Variants in GLG1 observed in about 807,000 individuals in gnomAD.
GLG1 encodes the protein golgi glycoprotein 1.
A neutral mutation model predicts 160.5 loss-of-function variants in GLG1; 38 were observed. The ratio of observed to expected loss-of-function variants is 0.24; its 90% CI spans 0.18 to 0.31. The LOEUF (loss-of-function observed/expected upper bound fraction) is 0.31, where lower values mean the gene tolerates loss of function less well. Among genes scored for constraint, GLG1 ranks in the 10% least tolerant of loss-of-function variants. GLG1 has a pLI of 1.00. For synonymous variants in GLG1, 644 were observed against 543.4 expected (o/e 1.19, Z -2.57); for missense variants, 1,373 against 1,505.2 (o/e 0.91, Z 1.45).
chr16:74,474,505 G>A, intron 13 of GLG1, 41 bp downstream of exon 13: 1 of 927,652 alleles, frequency 1.1e-6, no homozygotes, highest in East Asian at 2.4e-5. Context: ...CAGGATGCTG[G>A]CAGCCACTCT....
chr16:74,504,929 A>C (rs951035299), intron 3 of GLG1, among the ~76,000 whole-genome samples: 4 of 152,368 alleles, frequency 2.6e-5, no homozygotes, highest in African/African-American at 9.6e-5. Context: ...TATAAGCTTA[A>C]ATTATAAAAC....
Position 74,460,084 on chromosome 16 carries a change from C to T in GLG1, c.3037-295G>A, listed in dbSNP as rs189969244. Among the ~76,000 whole-genome samples the T allele has an allele frequency of 2.3e-3, 355 of 151,490 alleles. 1 individual carries two copies. The highest frequency in any genetic ancestry group is 3.8e-3 in the Non-Finnish European group (256 of 67,894). On this transcript the variant is annotated intron_variant, in intron 22 of 25. Coordinates refer to ENST00000422840, the MANE Select transcript of GLG1 (RefSeq NM_001145667.2). ...TTGCCCAGGCTGAAGTACAATGGCA[C>T]GATCTCGGCTCACCGCAACCTCTGC...
At chr16:74,478,223 A>G (rs970544123) in intron 11 of GLG1, among the ~76,000 whole-genome samples, 1 of 152,210 alleles carries the variant, frequency 6.6e-6, no homozygotes, top group Non-Finnish European at 1.5e-5. Flanking sequence ...AACACCAGGT[A>G]GAAGGTCAGA....
At chr16:74,494,684 C>T (rs898814024) in intron 6 of GLG1, 76 bp downstream of exon 6, 60 of 678,448 alleles carry the variant, frequency 8.8e-5, no homozygotes, top group Middle Eastern at 4.2e-4. Context: ...GGATTACAGG[C>T]GTGAGCCACC....
intron 1 of GLG1, among the ~76,000 whole-genome samples, chr16:74,578,816 T>A (rs1006098724): frequency 6.6e-6 from 1 of 152,222 alleles, no homozygotes; most frequent in Non-Finnish European, 1.5e-5. Context: ...GTATCATAAG[T>A]CATTCTGTGA....
rs373904367 is a variant in GLG1, at chr16:74,490,188, T to C, written c.1449+813A>G. Among the ~76,000 whole-genome samples the C allele has an allele frequency of 4.3e-4, 65 of 152,286 alleles. 1 individual carries two copies. Among genetic ancestry groups the C allele is most frequent in the African/African-American group, 1.5e-3 (63 of 41,558 alleles). On this transcript the variant is annotated intron_variant, in intron 8 of 25. Transcript: ENST00000422840. ...CCTATCCAGTAAAAAGTAATCAACA[T>C]GGACAACAGGAATGAAAGGGATGTA... is the stretch of plus-strand genomic sequence containing the variant.
At chr16:74,532,061 C>T (rs1567507324) in intron 2 of GLG1, 60 bp downstream of exon 2, 3 of 689,148 alleles carry the variant, frequency 4.4e-6, no homozygotes, top group South Asian at 6.6e-5. Flanking sequence ...AAGAGCATCC[C>T]GAAATCTGTC....
Position 74,465,702 on chromosome 16 carries a change from T to G in GLG1, c.2641A>C (p.Met881Leu), listed in dbSNP as rs1477112496. 6.2e-7 allele frequency: 1 copy of G among 1,614,004 alleles called. No homozygotes were observed. Among genetic ancestry groups the G allele is most frequent in the Non-Finnish European group, 8.5e-7 (1 of 1,179,928 alleles). ...MMDPELDYTL[M>L]RVCKQMIKRF... ...TTTATCATCTGCTTGCAGACCCTCA[T>G]GAGGGTGTAGTCTAGCTCTGGGTCC... Residue 881 changes from methionine to leucine, a missense_variant, in exon 19 of 26, where the codon ATG becomes CTG. Around this residue, in one of 4 missense-constraint regions of GLG1, gnomAD observed 491 missense variants for 632.1 expected, o/e 0.78. Coordinates refer to ENST00000422840, the MANE Select transcript of GLG1 (RefSeq NM_001145667.2).
At chr16:74,459,226 C>G (rs1884997957) in intron 23 of GLG1, among the ~76,000 whole-genome samples, 1 of 152,150 alleles carries the variant, frequency 6.6e-6, no homozygotes, top group African/African-American at 2.4e-5. Context: ...CACCTGTAAT[C>G]CCAGCACTTT....
intron 1 of GLG1, among the ~76,000 whole-genome samples, chr16:74,565,810 T>C (rs1017873572): frequency 2.0e-5 from 3 of 152,264 alleles, no homozygotes; most frequent in Non-Finnish European, 4.4e-5. Context: ...ATTGGTTCTA[T>C]GTCTCTGGAG....
At chr16:74,495,682 T>C (rs754578062) in intron 5 of GLG1, among the ~76,000 whole-genome samples, 2 of 152,174 alleles carry the variant, frequency 1.3e-5, no homozygotes, top group Non-Finnish European at 1.5e-5. Context: ...CACATAAATA[T>C]ATAATGCGTC....
chr16:74,517,950 A>G (rs1055580082), intron 2 of GLG1, among the ~76,000 whole-genome samples: 16 of 152,216 alleles, frequency 1.1e-4, no homozygotes, highest in Non-Finnish European at 1.9e-4. Flanking sequence ...CCCATTCACA[A>G]TTGCTTCAAA....
At chr16:74,503,345 A>C (rs1054310054) in intron 4 of GLG1, among the ~76,000 whole-genome samples, 186 bp downstream of exon 4, 1 of 152,072 alleles carries the variant, frequency 6.6e-6, no homozygotes, top group African/African-American at 2.4e-5. Flanking sequence ...AGTACTGAAA[A>C]ATTTTGCTAC....
intron 23 of GLG1, 105 bp from the exon 24 acceptor site, chr16:74,458,099 G>A: frequency 8.6e-7 from 1 of 1,164,798 alleles, no homozygotes; most frequent in Non-Finnish European, 1.2e-6. Flanking sequence ...GGAAGTTGAG[G>A]GCTAACAACA....
chr16:74,559,238 A>C (rs2018438600), intron 1 of GLG1, among the ~76,000 whole-genome samples: 1 of 151,966 alleles, frequency 6.6e-6, no homozygotes, highest in African/African-American at 2.4e-5. Context: ...TTTTACTATC[A>C]GAAGTAATCC....
At chr16:74,538,292 TAAGTC>T (rs1399215778) in intron 1 of GLG1, among the ~76,000 whole-genome samples, 3 of 151,462 alleles carry the variant, frequency 2.0e-5, no homozygotes, top group Non-Finnish European at 4.4e-5. Flanking sequence ...GCTGCAGTAT[TAAGTC>T]AAGTCTTCTG....
chr16:74,544,219 T>C (rs567481271), intron 1 of GLG1, among the ~76,000 whole-genome samples: 2 of 152,370 alleles, frequency 1.3e-5, no homozygotes, highest in African/African-American at 4.8e-5. Context: ...GGTCTGGCTA[T>C]GCAGCACAAA....
intron 1 of GLG1, among the ~76,000 whole-genome samples, chr16:74,597,111 C>T (rs970162941): frequency 1.3e-5 from 2 of 150,452 alleles, no homozygotes; most frequent in South Asian, 4.2e-4. Flanking sequence ...AGAGTGAGAC[C>T]TCGTCTCAAA....
At chr16:74,481,194 T>C (rs1185892672) in intron 10 of GLG1, among the ~76,000 whole-genome samples, 1 of 152,200 alleles carries the variant, frequency 6.6e-6, no homozygotes, top group Non-Finnish European at 1.5e-5. Context: ...TCCTATTCAG[T>C]TTTCTCTCTT....
Sources: allele counts gnomAD v4.1 joint callset (sites outside exome capture counted in the v4.1 genomes callset), GRCh38; gene constraint gnomAD v4.1.1; regional missense constraint gnomAD v4.1.1; transcripts MANE v1.5; gene names NCBI Gene and HGNC (gene_info 2026-07-23, HGNC 2026-07-21).